Variants in AKAP7 observed in about 807,000 individuals in gnomAD.
The protein encoded by AKAP7 is A-kinase anchoring protein 7, also known as A kinase (PRKA) anchor protein 7.
In AKAP7, 39 loss-of-function variants were observed where a neutral mutation model predicts 39.5. That is an observed-to-expected ratio of 0.99 (90% CI 0.76 to 1.29). The LOEUF is 1.29. Ranked by LOEUF, AKAP7 falls within the 50% of genes most tolerant of loss-of-function variation. The pLI, the probability that AKAP7 is intolerant of heterozygous loss-of-function variation, is 0.00. For synonymous variants in AKAP7, 140 were observed against 139.1 expected, an observed-to-expected ratio of 1.01 and a Z score of -0.05; for missense variants, 414 against 407.7, an observed-to-expected ratio of 1.02 and a Z score of -0.13.
chr6:131,257,845 A>T (rs899132447), intron 7 of AKAP7, among the ~76,000 whole-genome samples: 9 of 152,098 alleles, frequency 5.9e-5, no homozygotes, highest in Admixed American at 6.6e-5. Context: ...GCACTACATG[A>T]AGCAGTAAAT....
chr6:131,163,540 C>A (rs533692324), intron 3 of AKAP7, among the ~76,000 whole-genome samples: 2 of 152,170 alleles, frequency 1.3e-5, no homozygotes, highest in East Asian at 3.8e-4. Flanking sequence ...TTGGCCTCTA[C>A]GTGTTGGCAT....
At chr6:131,260,070 C>CTA (rs1189790267) in intron 7 of AKAP7, among the ~76,000 whole-genome samples, 201 of 151,766 alleles carry the variant, frequency 1.3e-3, no homozygotes, top group African/African-American at 4.6e-3. Context: ...TTTTCTGTTC[C>CTA]TGTGTTAGTT....
intron 7 of AKAP7, among the ~76,000 whole-genome samples, chr6:131,275,655 A>G (rs916789421): frequency 1.3e-5 from 2 of 152,184 alleles, no homozygotes; most frequent in African/African-American, 4.8e-5. Context: ...CATCCATCGC[A>G]TGTCTGCCGC....
chr6:131,217,758 C>T (rs1357419347), intron 6 of AKAP7, among the ~76,000 whole-genome samples: 2 of 152,130 alleles, frequency 1.3e-5, no homozygotes, highest in East Asian at 3.8e-4. Context: ...TAAAAAATGA[C>T]ATTTTACAAA....
chr6:131,196,896 AT>A (rs1335377116), intron 5 of AKAP7, among the ~76,000 whole-genome samples: 4 of 151,948 alleles, frequency 2.6e-5, no homozygotes, highest in Admixed American at 2.6e-4. Context: ...TTATGTTTTA[AT>A]TTTTTTATTC....
At chr6:131,212,395 C>T (rs1244238072) in intron 6 of AKAP7, among the ~76,000 whole-genome samples, 1 of 152,180 alleles carries the variant, frequency 6.6e-6, no homozygotes, top group Non-Finnish European at 1.5e-5. Context: ...ATTCTTGGGT[C>T]ATATGTTTAA....
chr6:131,248,846 C>G (rs994108278), intron 7 of AKAP7, among the ~76,000 whole-genome samples: 8 of 152,132 alleles, frequency 5.3e-5, no homozygotes, highest in Admixed American at 2.6e-4. Flanking sequence ...AAAACATACA[C>G]CTGTATTCAC....
chr6:131,203,202 G>A (rs1358280961), intron 6 of AKAP7, among the ~76,000 whole-genome samples: 1 of 152,148 alleles, frequency 6.6e-6, no homozygotes, highest in Non-Finnish European at 1.5e-5. Context: ...ATAATTCGTG[G>A]TTTGGTATGT....
intron 7 of AKAP7, among the ~76,000 whole-genome samples, chr6:131,224,504 C>A (rs1809977976): frequency 6.6e-6 from 1 of 151,996 alleles, no homozygotes; most frequent in Non-Finnish European, 1.5e-5. Flanking sequence ...TGATATTGTT[C>A]ATAAAACTTT....
intron 5 of AKAP7, among the ~76,000 whole-genome samples, chr6:131,177,474 C>T (rs931141233): frequency 3.3e-5 from 5 of 152,170 alleles, no homozygotes; most frequent in African/African-American, 1.2e-4. Flanking sequence ...AGAGCGTACT[C>T]TTTAGTAACT....
chr6:131,164,390 T>A (rs551933133), intron 3 of AKAP7: 1 of 455,630 alleles, frequency 2.2e-6, no homozygotes, highest in Admixed American at 2.3e-5. Context: ...TTCCTCTCCC[T>A]GTTTCAGAGG....
At chr6:131,186,750 A>G (rs1805901289) in intron 5 of AKAP7, among the ~76,000 whole-genome samples, 1 of 152,188 alleles carries the variant, frequency 6.6e-6, no homozygotes, top group African/African-American at 2.4e-5. Flanking sequence ...AAGACAAAAG[A>G]CAAAAGTGAT....
intron 7 of AKAP7, among the ~76,000 whole-genome samples, chr6:131,251,400 T>C (rs1812435837): frequency 6.6e-6 from 1 of 152,220 alleles, no homozygotes; most frequent in Non-Finnish European, 1.5e-5. Context: ...TTCAATATAA[T>C]GTTTCCAGTC....
At chr6:131,255,856 TTCC>T (rs1273185735) in intron 7 of AKAP7, among the ~76,000 whole-genome samples, 5 of 152,234 alleles carry the variant, frequency 3.3e-5, no homozygotes, top group African/African-American at 1.2e-4. Flanking sequence ...ATTCTTTCTC[TTCC>T]TCCTCCTCCA....
intron 5 of AKAP7, among the ~76,000 whole-genome samples, chr6:131,182,308 C>T (rs1805339555): frequency 6.6e-6 from 1 of 152,038 alleles, no homozygotes; most frequent in Non-Finnish European, 1.5e-5. Context: ...AATCCTCACT[C>T]CCTCCTTCCC....
chr6:131,273,207 C>G (rs945394587), intron 7 of AKAP7, among the ~76,000 whole-genome samples: 3 of 152,146 alleles, frequency 2.0e-5, no homozygotes, highest in Non-Finnish European at 4.4e-5. Context: ...ACCTTCCTGT[C>G]TCTTCATATT....
At chr6:131,213,522 A>AAGG (rs3836926) in intron 6 of AKAP7, among the ~76,000 whole-genome samples, 17 of 152,292 alleles carry the variant, frequency 1.1e-4, no homozygotes, top group East Asian at 9.7e-4. Context: ...AGATGATAGG[A>AAGG]AGGAGGAGGA....
chr6:131,168,076 C>T (rs566080165), intron 4 of AKAP7, among the ~76,000 whole-genome samples: 12 of 152,192 alleles, frequency 7.9e-5, no homozygotes, highest in Non-Finnish European at 1.3e-4. Context: ...TCAAAAATCT[C>T]GTAATGTCCA....
chr6:131,233,045 A>C (rs923759014), intron 7 of AKAP7, among the ~76,000 whole-genome samples: 2 of 152,040 alleles, frequency 1.3e-5, no homozygotes, highest in Non-Finnish European at 2.9e-5. Context: ...TAACTTTTGC[A>C]TACAATATTT....
Sources: allele counts gnomAD v4.1 joint callset (sites outside exome capture counted in the v4.1 genomes callset), GRCh38; gene constraint gnomAD v4.1.1; transcripts MANE v1.5; gene names NCBI Gene and HGNC (gene_info 2026-07-23, HGNC 2026-07-21).